Variants in PLCXD3 observed in about 807,000 individuals in gnomAD.
PLCXD3 encodes the protein phosphatidylinositol specific phospholipase C X domain containing 3, also known as PI-PLC X domain-containing protein 3.
Under a neutral mutation model 25.5 loss-of-function variants are expected in PLCXD3, and 19 were observed. That is an observed-to-expected ratio of 0.75 (90% CI 0.52 to 1.09). The LOEUF (loss-of-function observed/expected upper bound fraction) is 1.09. Ranked by LOEUF, PLCXD3 falls within the 50% of genes least tolerant of loss-of-function variation. The pLI is 0.00. For missense variants in PLCXD3, 411 were observed against 388.1 expected (o/e 1.06, Z -0.50); for synonymous variants, 174 against 137.6 (o/e 1.26, Z -1.85).
At chr5:41,508,115 G>A (rs1304323087) in intron 1 of PLCXD3, among the ~76,000 whole-genome samples, 3 of 152,148 alleles carry the variant, frequency 2.0e-5, no homozygotes, top group Non-Finnish European at 1.5e-5. Context: ...GAGTGAGAAG[G>A]GGAAGCTTTA....
intron 1 of PLCXD3, among the ~76,000 whole-genome samples, chr5:41,490,488 T>C (rs977861717): frequency 1.3e-5 from 2 of 152,200 alleles, no homozygotes; most frequent in African/African-American, 4.8e-5. Context: ...TTCTATTGTT[T>C]GGAATAGTTT....
At chr5:41,336,224 A>G (rs1743975573) in intron 2 of PLCXD3, among the ~76,000 whole-genome samples, 1 of 152,184 alleles carries the variant, frequency 6.6e-6, no homozygotes, top group Admixed American at 6.6e-5. Flanking sequence ...GAAACAATAC[A>G]TTATAGATAG....
intron 1 of PLCXD3, among the ~76,000 whole-genome samples, chr5:41,401,854 C>A (rs1484900016): frequency 1.3e-5 from 2 of 151,934 alleles, no homozygotes; most frequent in African/African-American, 4.8e-5. Flanking sequence ...AAAATCTGTA[C>A]ATTTACTTTC....
At chr5:41,381,468 C>CA (rs1210003061) in intron 2 of PLCXD3, among the ~76,000 whole-genome samples, 1 of 151,974 alleles carries the variant, frequency 6.6e-6, no homozygotes, top group East Asian at 1.9e-4. Context: ...AACACAGAGA[C>CA]ACATGAGAAA....
rs565958730 is a variant in PLCXD3, at chr5:41,381,975, G to A, written c.663C>T (p.Asp221=). The change falls in exon 2 of 3, where the codon GAC becomes GAT. Residue 221 remains aspartate, a synonymous_variant. Transcript: ENST00000377801. ...GAAGAAACTGGATCAGTTTCTCGGGGTCTGTGGTGTTGGCCCAGGGTGCTG... is the reference window on the plus strand; with the variant it reads ...GAAGAAACTGGATCAGTTTCTCGGGATCTGTGGTGTTGGCCCAGGGTGCTG... ...MMPAPWANTT[D]PEKLIQFLQA... is the part of the protein sequence containing the mutation. The A allele has an allele frequency of 4.2e-5, 68 of 1,613,520 alleles. No individual in the cohort carries two copies. The highest frequency in any genetic ancestry group is 5.8e-5 in the Non-Finnish European group (68 of 1,179,718).
intron 1 of PLCXD3, chr5:41,475,599 C>CCTTCAGGTCT (rs748883187): frequency 1.9e-6 from 1 of 534,388 alleles, no homozygotes; most frequent in Admixed American, 1.9e-5. Context: ...TCTTCAGGTC[C>CCTTCAGGTCT]CTTCAGGTCT....
chr5:41,465,049 T>G lies in PLCXD3; in HGVS notation c.103+45375A>C, dbSNP rs1158135715. 2.0e-5 allele frequency among the ~76,000 whole-genome samples: 3 copies of G among 152,122 alleles called. No individual in the cohort carries two copies. The East Asian group carries it at 5.8e-4, about 29-fold the overall frequency. On this transcript the variant is annotated intron_variant, in intron 1 of 2. Coordinates refer to ENST00000377801, the MANE Select transcript of PLCXD3 (RefSeq NM_001005473.3). The stretch of plus-strand genomic sequence containing the variant: ...ATCAACTGTACATTTTTTGGGGGTG[T>G]TCTCATTCCATTCTTTCTTTTAAAA...
At chr5:41,506,062 G>C (rs539210006) in intron 1 of PLCXD3, among the ~76,000 whole-genome samples, 2 of 152,332 alleles carry the variant, frequency 1.3e-5, no homozygotes, top group African/African-American at 4.8e-5. Context: ...TTAAAATGTA[G>C]ATTGTAATTA....
intron 1 of PLCXD3, among the ~76,000 whole-genome samples, chr5:41,429,809 A>C (rs1382923330): frequency 1.3e-5 from 2 of 152,184 alleles, no homozygotes; most frequent in East Asian, 3.9e-4. Context: ...TTCACACCCA[A>C]ACTAATTTAA....
chr5:41,425,388 G>T (rs563189830), intron 1 of PLCXD3, among the ~76,000 whole-genome samples: 1 of 151,854 alleles, frequency 6.6e-6, no homozygotes, highest in African/African-American at 2.4e-5. Context: ...CCATATACCT[G>T]CTTCCCCAGT....
intron 1 of PLCXD3, among the ~76,000 whole-genome samples, chr5:41,393,788 G>A (rs2150497086): frequency 6.6e-6 from 1 of 152,052 alleles, no homozygotes; most frequent in East Asian, 1.9e-4. Flanking sequence ...AAATTAGCCG[G>A]GCATGGTGGT....
chr5:41,316,370 C>T (rs984612433), intron 2 of PLCXD3, among the ~76,000 whole-genome samples: 1 of 152,210 alleles, frequency 6.6e-6, no homozygotes, highest in African/African-American at 2.4e-5. Flanking sequence ...CCAGGTACTA[C>T]ATCTTGGGTC....
chr5:41,508,899 G>A (rs1359923043), intron 1 of PLCXD3, among the ~76,000 whole-genome samples: 2 of 152,246 alleles, frequency 1.3e-5, no homozygotes, highest in Non-Finnish European at 2.9e-5. Flanking sequence ...CTCCAGGCTT[G>A]CCTAGGTAGC....
intron 2 of PLCXD3, among the ~76,000 whole-genome samples, chr5:41,346,018 T>G (rs566324424): frequency 5.8e-4 from 88 of 152,332 alleles, no homozygotes; most frequent in African/African-American, 2.1e-3. Flanking sequence ...TAGCTGGGAC[T>G]ACAGGCACCC....
At chr5:41,360,490 T>C (rs1399307408) in intron 2 of PLCXD3, among the ~76,000 whole-genome samples, 1 of 152,200 alleles carries the variant, frequency 6.6e-6, no homozygotes, top group Non-Finnish European at 1.5e-5. Flanking sequence ...GAAGACTATG[T>C]CAGAGGGAAG....
At chr5:41,510,358 G>A (rs1476194591) in intron 1 of PLCXD3, 66 bp downstream of exon 1, 2 of 1,392,308 alleles carry the variant, frequency 1.4e-6, no homozygotes, top group Non-Finnish European at 2.0e-6. Context: ...CTTAGTGGCA[G>A]ATAAAGCAGG....
At chr5:41,461,303 A>G (rs565416228) in intron 1 of PLCXD3, among the ~76,000 whole-genome samples, 2 of 152,034 alleles carry the variant, frequency 1.3e-5, no homozygotes, top group Non-Finnish European at 2.9e-5. Flanking sequence ...AGCATGACTG[A>G]AACATTTTTT....
intron 1 of PLCXD3, among the ~76,000 whole-genome samples, chr5:41,438,575 A>G (rs2124940): frequency 0.67 from 102,473 of 151,978 alleles, 37,219 homozygotes; most frequent in Non-Finnish European, 0.8. Flanking sequence ...CCTGTTAGCA[A>G]GACTCTCTCT....
At chr5:41,345,527 A>G (rs1744273034) in intron 2 of PLCXD3, among the ~76,000 whole-genome samples, 3 of 152,274 alleles carry the variant, frequency 2.0e-5, no homozygotes, top group Non-Finnish European at 4.4e-5. Context: ...GAGAATATTC[A>G]TAAGATAACA....
Sources: allele counts gnomAD v4.1 joint callset (sites outside exome capture counted in the v4.1 genomes callset), GRCh38; gene constraint gnomAD v4.1.1; transcripts MANE v1.5; gene names NCBI Gene and HGNC (gene_info 2026-07-23, HGNC 2026-07-21).